HMGB1: variants seen among roughly 807,000 people sequenced by gnomAD.
HMGB1 encodes high mobility group protein B1.
For missense variants in HMGB1, 79 were observed against 253.5 expected, an observed-to-expected ratio of 0.31 and a Z score of 4.67; for synonymous variants, 81 against 84.0, an observed-to-expected ratio of 0.96 and a Z score of 0.19.
intron 1 of HMGB1, among the ~76,000 whole-genome samples, chr13:30,528,070 C>T (rs536435921): frequency 2.0e-5 from 3 of 152,316 alleles, no homozygotes; most frequent in South Asian, 2.1e-4. Flanking sequence ...TTTACAGCAG[C>T]GCATCCTCAT....
chr13:30,509,355 C>G (rs1887940982), intron 1 of HMGB1, among the ~76,000 whole-genome samples: 2 of 151,888 alleles, frequency 1.3e-5, no homozygotes, highest in African/African-American at 4.8e-5. Flanking sequence ...TATCGTGTCT[C>G]AGCCTCCTGA....
intron 1 of HMGB1, among the ~76,000 whole-genome samples, chr13:30,544,099 T>C (rs191459379): frequency 3.3e-5 from 5 of 152,350 alleles, no homozygotes; most frequent in Non-Finnish European, 7.4e-5. Flanking sequence ...GTGACTGCCA[T>C]GTGGGCAGGT....
At chr13:30,614,180 T>C (rs955976916) in intron 1 of HMGB1, among the ~76,000 whole-genome samples, 4 of 152,272 alleles carry the variant, frequency 2.6e-5, no homozygotes, top group Non-Finnish European at 5.9e-5. Context: ...GGTTGCTTCC[T>C]AGGCAGAAAA....
At chr13:30,547,450 C>A (rs949239031) in intron 1 of HMGB1, among the ~76,000 whole-genome samples, 1 of 152,124 alleles carries the variant, frequency 6.6e-6, no homozygotes, top group Non-Finnish European at 1.5e-5. Flanking sequence ...AGCCTTAAGC[C>A]GAGTCAAGAG....
chr13:30,615,782 G>T (rs941791527), intron 1 of HMGB1, among the ~76,000 whole-genome samples: 2 of 152,170 alleles, frequency 1.3e-5, no homozygotes, highest in Non-Finnish European at 2.9e-5. Context: ...AGCTGACATC[G>T]TGAGTGGCTA....
chr13:30,486,602 C>G (rs577802811), intron 1 of HMGB1, among the ~76,000 whole-genome samples: 1 of 152,280 alleles, frequency 6.6e-6, no homozygotes, highest in African/African-American at 2.4e-5. Flanking sequence ...AAAAATAAAG[C>G]AGGGGAACCT....
At chr13:30,581,315 T>G (rs1012787758) in intron 1 of HMGB1, among the ~76,000 whole-genome samples, 4 of 152,162 alleles carry the variant, frequency 2.6e-5, no homozygotes, top group Admixed American at 2.6e-4. Context: ...GCCCAGCTTT[T>G]GATGATAGCT....
At chr13:30,527,337 G>T (rs1888392035) in intron 1 of HMGB1, among the ~76,000 whole-genome samples, 1 of 152,134 alleles carries the variant, frequency 6.6e-6, no homozygotes, top group South Asian at 2.1e-4. Flanking sequence ...GAACCTCTCG[G>T]GATGGTGGGC....
In HMGB1 at chr13:30,552,873, C is replaced by T. The variant is rs188512605; in HGVS notation, c.-15+63798G>A. ...CCCAGGTCTCTGTGGGCTTCTTCTA[C>T]CTTGTGCGGATGCAACCTCACAGCA... is the stretch of plus-strand genomic sequence containing the variant. On this transcript the variant is annotated intron_variant, in intron 1 of 4. Coordinates refer to the HMGB1 transcript ENST00000405805. Among the ~76,000 whole-genome samples, 405 of 152,320 alleles carry T rather than the reference C, an allele frequency of 2.7e-3. 2 individuals are homozygous for T. The highest frequency in any genetic ancestry group is 0.01 in the Middle Eastern group (3 of 292).
intron 1 of HMGB1, among the ~76,000 whole-genome samples, chr13:30,505,538 T>C (rs1489280356): frequency 6.6e-6 from 1 of 152,070 alleles, no homozygotes; most frequent in Non-Finnish European, 1.5e-5. Context: ...CTCGAACTCC[T>C]GGCCTCAGGT....
At chr13:30,524,114 C>G (rs1888300271) in intron 1 of HMGB1, among the ~76,000 whole-genome samples, 1 of 151,932 alleles carries the variant, frequency 6.6e-6, no homozygotes, top group South Asian at 2.1e-4. Context: ...CACATGCTCT[C>G]ACTCGTAAGG....
intron 1 of HMGB1, among the ~76,000 whole-genome samples, chr13:30,527,332 T>C (rs1257947388): frequency 6.6e-6 from 1 of 152,100 alleles, no homozygotes; most frequent in African/African-American, 2.4e-5. Context: ...GGAAGGAACC[T>C]CTCGGGATGG....
In HMGB1 at chr13:30,537,616, G is replaced by A. The variant is rs1403473525; in HGVS notation, c.-14-73922C>T. On this transcript the variant is annotated intron_variant, in intron 1 of 4. Coordinates refer to the HMGB1 transcript ENST00000405805. ...CATTAATTTTGTCTGATTCACCCAC[G>A]TCGCTGCATGTGGTGGCAATTCATT... Among the ~76,000 whole-genome samples the A allele has an allele frequency of 4.4e-5, 6 of 136,706 alleles. No individual in the cohort carries two copies. The East Asian group carries it at 1.1e-3, about 25-fold the overall frequency. 89.7% of individuals were successfully genotyped at this position (136,706 alleles called of 152,430 possible).
At chr13:30,525,809 C>T (rs1431392277) in intron 1 of HMGB1, among the ~76,000 whole-genome samples, 1 of 149,366 alleles carries the variant, frequency 6.7e-6, no homozygotes, top group Non-Finnish European at 1.5e-5. Flanking sequence ...TTACCTCCAT[C>T]TGGTCTCTCC....
chr13:30,492,165 TAAA>T (rs1275526384), intron 1 of HMGB1, among the ~76,000 whole-genome samples: 1 of 135,968 alleles, frequency 7.4e-6, no homozygotes, highest in African/African-American at 2.7e-5. Flanking sequence ...AGACTCCCTC[TAAA>T]AAAAAAAAAA....
chr13:30,609,585 G>T (rs1035854980), intron 1 of HMGB1, among the ~76,000 whole-genome samples: 1 of 152,132 alleles, frequency 6.6e-6, no homozygotes, highest in Non-Finnish European at 1.5e-5. Context: ...AAGACAGCAA[G>T]AACAACCCGT....
At chr13:30,512,524 A>G (rs567521555) in intron 1 of HMGB1, among the ~76,000 whole-genome samples, 1 of 152,326 alleles carries the variant, frequency 6.6e-6, no homozygotes, top group East Asian at 1.9e-4. Context: ...ATCCTGGAGC[A>G]GCTTGTTTTT....
intron 1 of HMGB1, chr13:30,464,204 T>C: frequency 1.0e-6 from 1 of 985,302 alleles, no homozygotes; most frequent in Non-Finnish European, 1.2e-6. Flanking sequence ...GCATAAAACT[T>C]TGCTCCAAAG....
At chr13:30,589,198 T>A (rs570979647) in intron 1 of HMGB1, among the ~76,000 whole-genome samples, 3 of 151,652 alleles carry the variant, frequency 2.0e-5, no homozygotes, top group South Asian at 2.1e-4. Flanking sequence ...AGAGATGGGG[T>A]TTCTCCATGT....
Sources: allele counts gnomAD v4.1 joint callset (sites outside exome capture counted in the v4.1 genomes callset), GRCh38; gene constraint gnomAD v4.1.1; transcripts MANE v1.5; gene names NCBI Gene and HGNC (gene_info 2026-07-23, HGNC 2026-07-21).